Variants in PTPDC1 observed in about 807,000 individuals in gnomAD.
PTPDC1 encodes the protein protein tyrosine phosphatase domain containing 1.
A neutral mutation model predicts 75.3 loss-of-function variants in PTPDC1; 53 were observed. That is an observed-to-expected ratio of 0.70 (90% CI 0.56 to 0.88). The LOEUF (loss-of-function observed/expected upper bound fraction) is 0.88. Among genes scored for constraint, PTPDC1 ranks in the 40% least tolerant of loss-of-function variants. The pLI, the probability that PTPDC1 is intolerant of heterozygous loss-of-function variation, is 0.00. For synonymous variants in PTPDC1, 349 were observed against 366.2 expected, an observed-to-expected ratio of 0.95 and a Z score of 0.54; for missense variants, 925 against 998.6, an observed-to-expected ratio of 0.93 and a Z score of 0.99.
At chr9:94,105,866 G>A (rs561928979) in intron 8 of PTPDC1, among the ~76,000 whole-genome samples, 404 of 149,196 alleles carry the variant, frequency 2.7e-3, no homozygotes, top group Admixed American at 6.5e-3. Flanking sequence ...CCAGCTACTC[G>A]GGAGGCTGAG....
upstream of PTPDC1, among the ~76,000 whole-genome samples, chr9:94,082,257 C>T (rs1008312858): frequency 1.3e-5 from 2 of 152,230 alleles, no homozygotes; most frequent in African/African-American, 2.4e-5. Context: ...GTAACTCCTC[C>T]GTGGACTTAA....
chr9:94,088,516 G>A (rs987103582), intron 4 of PTPDC1, among the ~76,000 whole-genome samples: 4 of 152,160 alleles, frequency 2.6e-5, no homozygotes, highest in African/African-American at 9.7e-5. Context: ...CTTACAGTGT[G>A]CCAGTCACTA....
chr9:94,083,456 TAA>T (rs113051868), upstream of PTPDC1, among the ~76,000 whole-genome samples: 113 of 145,124 alleles, frequency 7.8e-4, no homozygotes, highest in African/African-American at 2.6e-3. Context: ...TAGTAATCGT[TAA>T]AAAAAAAAAA....
Position 94,109,723 on chromosome 9 carries a change from T to C in PTPDC1, c.*1779T>C. The C allele has an allele frequency of 6.6e-6, 1 of 152,192 alleles. No homozygotes were observed. The highest frequency in any genetic ancestry group is 1.9e-4 in the East Asian group (1 of 5,206). The allele number at this position is 152,192 out of a possible 1,614,324, so 9.4% of individuals were successfully genotyped here. ...CTTGTTTCAACTTAGAGAACAGTTATGATGTGACCATAGCATGGCACAACT... is the reference window on the plus strand; with the variant it reads ...CTTGTTTCAACTTAGAGAACAGTTACGATGTGACCATAGCATGGCACAACT... On this transcript the variant is annotated 3_prime_UTR_variant, in exon 9 of 9. Coordinates refer to ENST00000620992, the MANE Select transcript of PTPDC1 (RefSeq NM_001253829.2).
At chr9:94,039,258 A>AT (rs1349172689) in intron 1 of PTPDC1, among the ~76,000 whole-genome samples, 1 of 152,084 alleles carries the variant, frequency 6.6e-6, no homozygotes, top group Non-Finnish European at 1.5e-5. Context: ...GAAATACTCA[A>AT]TTTTTTTATT....
intron 1 of PTPDC1, among the ~76,000 whole-genome samples, chr9:94,053,541 G>A (rs573197418): frequency 2.0e-5 from 3 of 151,948 alleles, no homozygotes; most frequent in Non-Finnish European, 4.4e-5. Flanking sequence ...TATGGCATCC[G>A]AGCCACATAA....
Position 94,098,321 on chromosome 9 carries a change from T to C in PTPDC1, c.1755T>C (p.Gly585=), listed in dbSNP as rs750346463. 6.2e-7 allele frequency: 1 copy of C among 1,614,178 alleles called. No individual in the cohort carries two copies. The highest frequency in any genetic ancestry group is 8.5e-7 in the Non-Finnish European group (1 of 1,180,030). ...QVSHCQCKTH[G]VGSPGSVRQN... is the part of the protein sequence containing the mutation. ...CTCACTGTCAGTGTAAAACTCATGG[T>C]GTTGGGAGCCCTGGCTCTGTCAGGC... is the stretch of plus-strand genomic sequence containing the variant. The change falls in exon 6 of 9, where the codon GGT becomes GGC. Residue 585 remains glycine (G), a synonymous_variant. Transcript: ENST00000620992.
chr9:94,097,870 T>G lies in PTPDC1; in HGVS notation c.1304T>G (p.Leu435Arg). 1.2e-6 allele frequency: 2 copies of G among 1,614,182 alleles called. No homozygotes were observed. The highest frequency in any genetic ancestry group is 1.7e-6 in the Non-Finnish European group (2 of 1,180,016). Residue 435 changes from leucine to arginine, a missense_variant, in exon 6 of 9, where the codon CTT (leucine) becomes CGT (arginine). Coordinates refer to ENST00000620992, the MANE Select transcript of PTPDC1 (RefSeq NM_001253829.2). ...PLWKRRNVEC[L>R]QPLTHLKRRL... ...TGGAAAAGGCGGAATGTTGAGTGCC[T>G]TCAACCCCTGACTCATCTGAAAAGG...
At chr9:94,033,966 A>G (rs1829776206) in intron 1 of PTPDC1, among the ~76,000 whole-genome samples, 1 of 152,230 alleles carries the variant, frequency 6.6e-6, no homozygotes, top group South Asian at 2.1e-4. Flanking sequence ...ATCATGTGCC[A>G]GGCAGTATAG....
intron 2 of PTPDC1, 113 bp downstream of exon 2, chr9:94,085,535 C>G: frequency 1.8e-6 from 2 of 1,118,790 alleles, no homozygotes; most frequent in Non-Finnish European, 2.6e-6. Flanking sequence ...AAGTCAGGAC[C>G]TCACTTTGCC....
At chr9:94,092,354 T>C (rs1827358708) in intron 4 of PTPDC1, among the ~76,000 whole-genome samples, 1 of 143,724 alleles carries the variant, frequency 7.0e-6, no homozygotes, top group Non-Finnish European at 1.5e-5. Context: ...CAGTAGTCAT[T>C]CAGGAGCAGG....
Position 94,105,834 on chromosome 9 carries a change from A to T in PTPDC1, c.2310+1449A>T, listed in dbSNP as rs113724924. On this transcript the variant is annotated intron_variant, in intron 8 of 8. Coordinates refer to ENST00000620992, the MANE Select transcript of PTPDC1 (RefSeq NM_001253829.2). ...AGAAATACAAAAAAATTAACTGGGT[A>T]TGGTGGCAGGCGCCTGTAGTCCCAG... Among the ~76,000 whole-genome samples, 12 of 151,450 alleles carry T rather than the reference A, an allele frequency of 7.9e-5. No individual in the cohort carries two copies. The East Asian group carries it at 2.2e-3, about 27-fold the overall frequency.
At position 94,095,365 on chromosome 9, in the gene PTPDC1, C is replaced by A; in HGVS notation, c.665C>A (p.Thr222Asn). ...AAGGATTATGGTGTAGCGTCTCTTA[C>A]TACTATCCTAGATATGGTGAAGGTG... The part of the protein sequence containing the change: ...GWKDYGVASL[T>N]TILDMVKVMT... The change falls in exon 5 of 9, where the codon ACT (threonine) becomes AAT (asparagine). Residue 222 changes from threonine (T) to asparagine (N), a missense_variant. Thr to Asn is a moderately conservative substitution (Grantham distance 65). Coordinates refer to ENST00000620992, the MANE Select transcript of PTPDC1 (RefSeq NM_001253829.2). 6.2e-7 allele frequency: 1 copy of A among 1,612,418 alleles called. No homozygotes were observed. The highest frequency in any genetic ancestry group is 1.3e-5 in the African/African-American group (1 of 74,968).
chr9:94,075,259 A>G (rs1826646645), intron 2 of PTPDC1, among the ~76,000 whole-genome samples: 1 of 152,184 alleles, frequency 6.6e-6, no homozygotes, highest in Admixed American at 6.5e-5. Context: ...CAGTGGGGGA[A>G]TCAGAGCACC....
chr9:94,086,046 T>C (rs966940832), intron 2 of PTPDC1, among the ~76,000 whole-genome samples: 1 of 152,212 alleles, frequency 6.6e-6, no homozygotes, highest in Non-Finnish European at 1.5e-5. Context: ...TTCTGATAAA[T>C]CACATTTGAA....
intron 1 of PTPDC1, among the ~76,000 whole-genome samples, chr9:94,031,827 G>A (rs186362271): frequency 6.6e-6 from 1 of 152,276 alleles, no homozygotes; most frequent in East Asian, 1.9e-4. Flanking sequence ...ACTGCTTTAG[G>A]GAGGTGGATA....
At chr9:94,032,040 G>C (rs999440428) in intron 1 of PTPDC1, among the ~76,000 whole-genome samples, 1 of 152,162 alleles carries the variant, frequency 6.6e-6, no homozygotes, top group Non-Finnish European at 1.5e-5. Context: ...ACAAAGTGTC[G>C]TTTCATTTAC....
chr9:94,051,241 C>G (rs1825782832), intron 1 of PTPDC1, among the ~76,000 whole-genome samples: 1 of 152,162 alleles, frequency 6.6e-6, no homozygotes, highest in South Asian at 2.1e-4. Flanking sequence ...TTTGACACTC[C>G]CCAGTGAGAT....
intron 8 of PTPDC1, among the ~76,000 whole-genome samples, chr9:94,106,781 A>C (rs563852640): frequency 1.3e-5 from 2 of 152,182 alleles, no homozygotes; most frequent in South Asian, 4.1e-4. Flanking sequence ...GTTACACATT[A>C]CTCTGGGAAT....
Sources: gnomAD v4.1 joint callset for allele counts (sites outside exome capture counted in the v4.1 genomes callset) on GRCh38, gnomAD v4.1.1 for gene constraint, MANE v1.5 for transcripts, NCBI Gene and HGNC (gene_info 2026-07-23, HGNC 2026-07-21) for gene names.